TUT4: variants seen among roughly 807,000 people sequenced by gnomAD.
TUT4 encodes terminal uridylyl transferase 4.
TUT4 carries 36 observed loss-of-function variants against 192.2 expected under a neutral mutation model. The ratio of observed to expected loss-of-function variants is 0.19; its 90% CI spans 0.14 to 0.25. TUT4 has a LOEUF of 0.25. Ranked by LOEUF, TUT4 falls within the 10% of genes least tolerant of loss-of-function variation. The pLI is 1.00. For missense variants in TUT4, 1,493 were observed against 1,957.2 expected, an observed-to-expected ratio of 0.76 and a Z score of 4.47; for synonymous variants, 618 against 666.0, an observed-to-expected ratio of 0.93 and a Z score of 1.11.
chr1:52,444,130 C>T (rs922949927), intron 24 of TUT4, among the ~76,000 whole-genome samples: 1 of 151,650 alleles, frequency 6.6e-6, no homozygotes, highest in African/African-American at 2.4e-5. Context: ...CTGCTACTCT[C>T]GGCTGAGGCA....
In TUT4 at chr1:52,475,234, T is replaced by A. The variant is rs758333757; in HGVS notation, c.2325A>T (p.Arg775Ser). The change falls in exon 13 of 30, where the codon AGA (arginine) becomes AGT (serine). Residue 775 changes from arginine to serine, a missense_variant. Arg to Ser is a moderately radical substitution (Grantham distance 110). This residue lies in a region of TUT4 where 245 missense variants were observed against 218.4 expected (regional missense o/e 1.12). Coordinates refer to ENST00000257177, the MANE Select transcript of TUT4 (RefSeq NM_001009881.3). The part of the protein sequence containing the change: ...QCDEMDCTSQ[R>S]CIIDNNNLLV... ...ACAAATTGTTGTTGTCAATAATACATCTCTGTGATGTACAGTCCATTTCAT... is the reference window on the plus strand; with the variant it reads ...ACAAATTGTTGTTGTCAATAATACAACTCTGTGATGTACAGTCCATTTCAT... 1 of 1,614,168 alleles carries A rather than the reference T, an allele frequency of 6.2e-7. No individual in the cohort carries two copies.
chr1:52,469,339 C>T (rs1239212654), intron 14 of TUT4, among the ~76,000 whole-genome samples: 1 of 40,644 alleles, frequency 2.5e-5, no homozygotes, highest in Non-Finnish European at 4.2e-5. Flanking sequence ...TGAGTGGAAT[C>T]GATAAGACTT....
At chr1:52,487,516 T>C (rs1670104223) in intron 9 of TUT4, among the ~76,000 whole-genome samples, 1 of 152,162 alleles carries the variant, frequency 6.6e-6, no homozygotes. Flanking sequence ...ACTGATTTCC[T>C]ATAGTATGCT....
chr1:52,544,229 A>G (rs1687478322), intron 1 of TUT4, among the ~76,000 whole-genome samples: 1 of 150,636 alleles, frequency 6.6e-6, no homozygotes, highest in East Asian at 2.0e-4. Flanking sequence ...CGGAGCTTGC[A>G]GTGAGCTGAG....
rs897292172 is a variant in TUT4, at chr1:52,461,317, T to C, written c.3232-94A>G. 3.2e-6 allele frequency: 4 copies of C among 1,244,964 alleles called. No homozygotes were observed. In the African/African-American group the frequency reaches 6.1e-5, roughly 19 times the overall value. 77.1% of individuals were successfully genotyped at this position (1,244,964 alleles called of 1,614,324 possible). A position where few individuals can be genotyped will look rare whatever the true frequency, so the allele number is the denominator to read the frequency against. ...AGTAAAATACACTCCAAATACAAAATATATAAATGTAAAATGTAAAACACC... is the reference window on the plus strand; with the variant it reads ...AGTAAAATACACTCCAAATACAAAACATATAAATGTAAAATGTAAAACACC... On this transcript the variant is annotated intron_variant, in intron 18 of 29. Transcript: ENST00000257177.
chr1:52,424,761 T>C (rs943966267), intron 29 of TUT4: 9 of 152,256 alleles, frequency 5.9e-5, no homozygotes, highest in Non-Finnish European at 1.2e-4. Flanking sequence ...TAAACAAATA[T>C]GATTATGTCT....
At position 52,488,935 on chromosome 1, in the gene TUT4, C is replaced by A; in HGVS notation, c.1489G>T (p.Val497Leu). 1 of 1,613,644 alleles carries A rather than the reference C, an allele frequency of 6.2e-7. No individual in the cohort carries two copies. Among genetic ancestry groups the A allele is most frequent in the Non-Finnish European group, 8.5e-7 (1 of 1,179,814 alleles). ...GKIEPVFIPL[V>L]LAFRYWAKLC... is the part of the protein sequence containing the mutation. The stretch of plus-strand genomic sequence containing the variant: ...TTAGCCCAGTAGCGAAAGGCTAACA[C>A]CAAGGGAATAAAGACAGGTTCTATT... The change falls in exon 9 of 30, where the codon GTG (valine) becomes TTG (leucine). Residue 497 changes from valine to leucine, a missense_variant. Physicochemically the swap from Val to Leu is conservative, Grantham distance 32. Around this residue, in one of 7 missense-constraint regions of TUT4, gnomAD observed 437 missense variants for 577.6 expected, o/e 0.76. Transcript: ENST00000257177.
chr1:52,423,979 T>C lies in TUT4; in HGVS notation c.4894A>G (p.Arg1632Gly). The C allele has an allele frequency of 6.2e-7, 1 of 1,612,902 alleles. No homozygotes were observed. The highest frequency in any genetic ancestry group is 1.3e-5 in the African/African-American group (1 of 75,036). Reference protein sequence around the residue: ...TQDRCATRRCRERCPHPPRGN... With the variant: ...TQDRCATRRCGERCPHPPRGN... Reference sequence around the variant, plus strand: ...CTTGGTGGGTGGGGACAACGCTCTCTACACCGACGGGTGGCACATCTGTCT... The same window carrying C: ...CTTGGTGGGTGGGGACAACGCTCTCCACACCGACGGGTGGCACATCTGTCT... The change falls in exon 30 of 30, where the codon AGA becomes GGA. Residue 1632 changes from arginine to glycine, a missense_variant. This residue lies in a region of TUT4 where 351 missense variants were observed against 397.8 expected (regional missense o/e 0.88). Coordinates refer to ENST00000257177, the MANE Select transcript of TUT4 (RefSeq NM_001009881.3).
At chr1:52,550,022 G>A (rs1192396027) in intron 1 of TUT4, among the ~76,000 whole-genome samples, 5 of 151,980 alleles carry the variant, frequency 3.3e-5, no homozygotes, top group Non-Finnish European at 5.9e-5. Flanking sequence ...TTCTCCTTGG[G>A]CCTGTAAGAA....
At chr1:52,444,247 A>G (rs1476724379) in intron 24 of TUT4, among the ~76,000 whole-genome samples, 3 of 152,226 alleles carry the variant, frequency 2.0e-5, no homozygotes, top group Admixed American at 6.5e-5. Context: ...AAAGAAAAAA[A>G]AATTGTTTGG....
At chr1:52,441,039 T>A (rs1208526095) in intron 24 of TUT4, among the ~76,000 whole-genome samples, 1 of 152,144 alleles carries the variant, frequency 6.6e-6, no homozygotes, top group Non-Finnish European at 1.5e-5. Flanking sequence ...GTATTTTAAC[T>A]GAAAACGCTT....
chr1:52,511,611 T>C (rs1047165270), intron 3 of TUT4, among the ~76,000 whole-genome samples: 2 of 152,114 alleles, frequency 1.3e-5, no homozygotes, highest in Non-Finnish European at 2.9e-5. Context: ...GATTAAGCTG[T>C]GTGGATATCT....
intron 24 of TUT4, among the ~76,000 whole-genome samples, chr1:52,442,806 C>A (rs2148388149): frequency 6.6e-6 from 1 of 152,146 alleles, no homozygotes; most frequent in South Asian, 2.1e-4. Context: ...TAAAATAAAT[C>A]AAAAAATGAT....
chr1:52,525,588 T>C lies in TUT4; in HGVS notation c.693A>G (p.Gly231=). The C allele has an allele frequency of 6.2e-7, 1 of 1,610,422 alleles. No individual in the cohort carries two copies. The highest frequency in any genetic ancestry group is 1.7e-5 in the Admixed American group (1 of 59,570). ...NTGDSDDSAS[G]IEDVSDDLSK... ...TTAAATCGTCCGATACGTCTTCAAT[T>C]CCTGAAGCACTATCATCAGAATCAC... The change falls in exon 2 of 30, where the codon GGA becomes GGG. Residue 231 remains glycine (G), a synonymous_variant. Transcript: ENST00000257177.
At chr1:52,540,347 T>C (rs1327210662) in intron 1 of TUT4, among the ~76,000 whole-genome samples, 1 of 151,400 alleles carries the variant, frequency 6.6e-6, no homozygotes, top group Admixed American at 6.6e-5. Flanking sequence ...AAACCCCATC[T>C]CTACTAAAAA....
intron 4 of TUT4, among the ~76,000 whole-genome samples, chr1:52,502,946 TCTACA>T (rs1253487369): frequency 6.6e-6 from 1 of 152,086 alleles, no homozygotes; most frequent in Non-Finnish European, 1.5e-5. Flanking sequence ...ACTCTTCGCC[TCTACA>T]CTAACAGCAA....
intron 1 of TUT4, among the ~76,000 whole-genome samples, chr1:52,537,653 C>T (rs1421057125): frequency 6.6e-6 from 1 of 152,196 alleles, no homozygotes; most frequent in Admixed American, 6.5e-5. Flanking sequence ...TGGCTCATGC[C>T]TGTAATCTCA....
intron 3 of TUT4, chr1:52,515,616 T>C (rs1040590280): frequency 9.0e-6 from 5 of 555,096 alleles, no homozygotes; most frequent in African/African-American, 7.5e-5. Context: ...ACTAGGTGTA[T>C]TTTAACCCAT....
rs543084404 is a variant in TUT4 at position 52,479,480 on chromosome 1, G to C, written c.1849-1598C>G. On this transcript the variant is annotated intron_variant, in intron 11 of 29. Transcript: ENST00000257177. ...GGTAGTGAGAGGTAATCAAATTCTG[G>C]ATACATGTTGAAGTAGAGATGACAG... is the stretch of plus-strand genomic sequence containing the variant. 5.9e-5 allele frequency among the ~76,000 whole-genome samples: 9 copies of C among 152,250 alleles called. No homozygotes were observed. The South Asian group carries it at 1.9e-3, about 32-fold the overall frequency.
Sources: allele counts gnomAD v4.1 joint callset (sites outside exome capture counted in the v4.1 genomes callset), GRCh38; gene constraint gnomAD v4.1.1; regional missense constraint gnomAD v4.1.1; transcripts MANE v1.5; gene names NCBI Gene and HGNC (gene_info 2026-07-23, HGNC 2026-07-21).